PLB1: variants seen among roughly 807,000 people sequenced by gnomAD.
PLB1 encodes phospholipase B1, membrane-associated.
PLB1 carries 242 observed loss-of-function variants against 227.4 expected under a neutral mutation model. That is an observed-to-expected ratio of 1.06 (90% CI 0.96 to 1.18). The LOEUF is 1.18. Ranked by LOEUF, PLB1 falls within the 50% of genes most tolerant of loss-of-function variation. The pLI is 0.00. For synonymous variants in PLB1, 757 were observed against 682.2 expected (o/e 1.11, Z -1.71); for missense variants, 1,858 against 1,816.3 (o/e 1.02, Z -0.42).
chr2:28,519,707 C>A lies in PLB1; in HGVS notation c.187C>A (p.His63Asn). Residue 63 changes from histidine (H) to asparagine (N), a missense_variant and splice_region_variant, in exon 4 of 58, where the codon CAC (histidine) becomes AAC (asparagine). Physicochemically the swap from His to Asn is moderately conservative, Grantham distance 68 (BLOSUM62 1). Coordinates refer to ENST00000327757, the MANE Select transcript of PLB1 (RefSeq NM_153021.5). ...TATATGGGTTCTTGTCTCCACAGTT[C>A]ACTCTCTGAAGCCTTCTGATATTAA... ...LGVNMPSKSV[H>N]SLKPSDIKFV... The A allele has an allele frequency of 6.2e-7, 1 of 1,608,586 alleles. No individual in the cohort carries two copies. Among genetic ancestry groups the A allele is most frequent in the Non-Finnish European group, 8.5e-7 (1 of 1,175,244 alleles).
At chr2:28,579,560 C>A in intron 22 of PLB1, 67 bp from the exon 23 acceptor site, 3 of 1,284,330 alleles carry the variant, frequency 2.3e-6, no homozygotes, top group Non-Finnish European at 3.4e-6. Context: ...AGTTTGCAAG[C>A]ATTTTGTGTT....
chr2:28,624,673 T>G (rs1025545911), intron 49 of PLB1, among the ~76,000 whole-genome samples: 2 of 152,202 alleles, frequency 1.3e-5, no homozygotes, highest in Non-Finnish European at 2.9e-5. Flanking sequence ...AGGAGAAAAC[T>G]GAGGGATAAT....
At chr2:28,591,488 G>A (rs910209052) in intron 30 of PLB1, among the ~76,000 whole-genome samples, 1 of 152,222 alleles carries the variant, frequency 6.6e-6, no homozygotes, top group Non-Finnish European at 1.5e-5. Flanking sequence ...TGCATTGGAC[G>A]GTGGAGGGGT....
At chr2:28,548,746 T>A (rs1673704947) in intron 14 of PLB1, 114 bp from the exon 15 acceptor site, 5 of 992,830 alleles carry the variant, frequency 5.0e-6, no homozygotes, top group South Asian at 4.2e-5. Context: ...ACACGTGCAT[T>A]TCTAATGCGT....
Position 28,496,143 on chromosome 2 carries a change from T to C in PLB1, c.29T>C (p.Leu10Pro). ...GGGCTGCGGCCAGGCATTTTCCTCC[T>C]GGAGCTGCTGCTGCTTCTGGGGCAA... MGLRPGIFL[L>P]ELLLLLGQGT... is the part of the protein sequence containing the mutation. The change falls in exon 1 of 58, where the codon CTG becomes CCG. Residue 10 changes from leucine (L) to proline (P), a missense_variant. Transcript: ENST00000327757. 6.2e-7 allele frequency: 1 copy of C among 1,614,110 alleles called. No individual in the cohort carries two copies. Among genetic ancestry groups the C allele is most frequent in the East Asian group, 2.2e-5 (1 of 44,880 alleles).
intron 26 of PLB1, among the ~76,000 whole-genome samples, chr2:28,586,348 C>T (rs1049102233): frequency 1.3e-5 from 2 of 152,162 alleles, no homozygotes; most frequent in African/African-American, 2.4e-5. Context: ...CTTGGGAGAG[C>T]ACAAGGAGAA....
Position 28,581,910 on chromosome 2 carries a change from A to C in PLB1, c.1567-158A>C, listed in dbSNP as rs57589711. On this transcript the variant is annotated intron_variant, in intron 23 of 57. Coordinates refer to ENST00000327757, the MANE Select transcript of PLB1 (RefSeq NM_153021.5). ...CAGGAGGTGAAGGTTGCAGTGAGCC[A>C]TGATCACACCACTGCACTCCAGCCC... 8.8e-3 allele frequency among the ~76,000 whole-genome samples: 1,334 copies of C among 152,020 alleles called. 26 individuals are homozygous for C. Among genetic ancestry groups the C allele is most frequent in the African/African-American group, 0.031 (1,268 of 41,412 alleles).
chr2:28,629,301 A>G lies in PLB1; in HGVS notation c.3818+116A>G, dbSNP rs987640972. Reference sequence around the variant, plus strand: ...CAGGCAGGCCTGCCAGAGGGTAGACATGGCTCAGGGGCTTGGACAACATCA... The same window carrying G: ...CAGGCAGGCCTGCCAGAGGGTAGACGTGGCTCAGGGGCTTGGACAACATCA... On this transcript the variant is annotated intron_variant, in intron 53 of 57. Coordinates refer to ENST00000327757, the MANE Select transcript of PLB1 (RefSeq NM_153021.5). The G allele has an allele frequency of 3.3e-5, 27 of 826,420 alleles. No individual in the cohort carries two copies. The South Asian group carries it at 4.4e-4, about 13-fold the overall frequency. 51.2% of individuals were successfully genotyped at this position (826,420 alleles called of 1,614,324 possible). A position where few individuals can be genotyped will look rare whatever the true frequency, so the allele number is the denominator to read the frequency against.
intron 4 of PLB1, among the ~76,000 whole-genome samples, chr2:28,523,403 A>T (rs1057087964): frequency 6.7e-6 from 1 of 148,948 alleles, no homozygotes; most frequent in African/African-American, 2.5e-5. Context: ...GGAGGTTACA[A>T]TTCACTCTAT....
chr2:28,527,926 G>A (rs1670487565), intron 6 of PLB1, among the ~76,000 whole-genome samples: 1 of 152,220 alleles, frequency 6.6e-6, no homozygotes, highest in South Asian at 2.1e-4. Context: ...GAGGGAGCAA[G>A]AGTACCCCTC....
chr2:28,643,308 T>G lies in PLB1; in HGVS notation c.*247T>G. On this transcript the variant is annotated 3_prime_UTR_variant, in exon 58 of 58. Transcript: ENST00000327757. ...GCGTGAAGCACTCACCTTCCATCTC[T>G]TGTGCAGCCCAGGTGTGGGAGCTGC... 15 of 382,632 alleles carry G rather than the reference T, an allele frequency of 3.9e-5. No individual in the cohort carries two copies. The highest frequency in any genetic ancestry group is 5.2e-5 in the Non-Finnish European group (11 of 212,444). 23.7% of individuals were successfully genotyped at this position (382,632 alleles called of 1,614,324 possible).
In PLB1 at chr2:28,573,268, G is replaced by A; in HGVS notation, c.1396G>A (p.Ala466Thr). 1 of 1,614,074 alleles carries A rather than the reference G, an allele frequency of 6.2e-7. No homozygotes were observed. Among genetic ancestry groups the A allele is most frequent in the Non-Finnish European group, 8.5e-7 (1 of 1,180,002 alleles). ...VGTGKETSPNAFLNQAVAGGR... is the reference protein window; with the variant it reads ...VGTGKETSPNTFLNQAVAGGR... ...CACTGGGAAAGAAACCAGTCCTAATGCCTTCTTAAACCAGGCTGTGGCAGG... is the reference window on the plus strand; with the variant it reads ...CACTGGGAAAGAAACCAGTCCTAATACCTTCTTAAACCAGGCTGTGGCAGG... Residue 466 changes from alanine (A) to threonine (T), a missense_variant, in exon 21 of 58, where the codon GCC becomes ACC. By Grantham distance (58) the Ala-to-Thr change is moderately conservative (BLOSUM62 0). Transcript: ENST00000327757.
intron 6 of PLB1, among the ~76,000 whole-genome samples, chr2:28,527,247 C>T (rs975260138): frequency 6.6e-6 from 1 of 152,154 alleles, no homozygotes; most frequent in Non-Finnish European, 1.5e-5. Context: ...AGCAGAGGGG[C>T]CAGGAGTCCC....
intron 18 of PLB1, 52 bp from the exon 19 acceptor site, chr2:28,565,228 G>A: frequency 6.6e-7 from 1 of 1,517,212 alleles, no homozygotes; most frequent in African/African-American, 1.4e-5. Context: ...GTAGGCAGAG[G>A]TGGGCCACTG....
chr2:28,608,720 GACCTC>G (rs950091244), intron 43 of PLB1, among the ~76,000 whole-genome samples: 3 of 152,008 alleles, frequency 2.0e-5, no homozygotes, highest in African/African-American at 7.3e-5. Context: ...CATTCTTTTT[GACCTC>G]TCTGAAGCCC....
At chr2:28,542,624 C>T (rs892976495) in intron 13 of PLB1, among the ~76,000 whole-genome samples, 10 of 152,146 alleles carry the variant, frequency 6.6e-5, no homozygotes, top group East Asian at 1.9e-4. Flanking sequence ...TCCCCCTGCA[C>T]GCTCCTCTCC....
chr2:28,498,155 C>T (rs545071007), intron 1 of PLB1, among the ~76,000 whole-genome samples: 11 of 151,832 alleles, frequency 7.2e-5, no homozygotes, highest in South Asian at 4.2e-4. Context: ...TTACTTTTCT[C>T]GTTTAAGTCA....
intron 14 of PLB1, among the ~76,000 whole-genome samples, chr2:28,548,132 G>A (rs1056798259): frequency 2.6e-5 from 4 of 151,936 alleles, no homozygotes; most frequent in Non-Finnish European, 4.4e-5. Flanking sequence ...TTGTGACCCC[G>A]TGAAAGACAT....
intron 8 of PLB1, 96 bp from the exon 9 acceptor site, chr2:28,532,012 T>A (rs1281265208): frequency 3.3e-6 from 3 of 916,122 alleles, no homozygotes; most frequent in Non-Finnish European, 5.1e-6. Context: ...TTTTCAGGGA[T>A]GGGTGTATGA....
Sources: allele counts gnomAD v4.1 joint callset (sites outside exome capture counted in the v4.1 genomes callset), GRCh38; gene constraint gnomAD v4.1.1; transcripts MANE v1.5; gene names NCBI Gene and HGNC (gene_info 2026-07-23, HGNC 2026-07-21).